DAB1: variants seen among roughly 807,000 people sequenced by gnomAD.
DAB1 encodes the protein disabled homolog 1.
DAB1 carries 15 observed loss-of-function variants against 64.6 expected under a neutral mutation model. The ratio of observed to expected loss-of-function variants is 0.23; its 90% CI spans 0.16 to 0.36. DAB1 has a LOEUF of 0.36. DAB1 is among the 10% of genes least tolerant of loss of function. The probability of loss-of-function intolerance (pLI) is 1.00; values close to 1 mark genes in which losing one functional copy is unlikely to be tolerated. For missense variants in DAB1, 596 were observed against 706.7 expected (o/e 0.84, Z 1.78); for synonymous variants, 235 against 251.9 (o/e 0.93, Z 0.64).
intron 5 of DAB1, among the ~76,000 whole-genome samples, chr1:58,099,701 A>G (rs1236074199): frequency 1.3e-5 from 2 of 152,244 alleles, no homozygotes; most frequent in Non-Finnish European, 2.9e-5. Flanking sequence ...TCTCTCATGC[A>G]TTATTTCACT....
At chr1:58,451,350 C>T (rs1645134293) in intron 3 of DAB1, among the ~76,000 whole-genome samples, 1 of 152,240 alleles carries the variant, frequency 6.6e-6, no homozygotes, top group Non-Finnish European at 1.5e-5. Context: ...ACCTTAGTCT[C>T]CCAAAGTGCT....
At chr1:57,331,335 C>CT (rs1676652810) in intron 1 of DAB1, among the ~76,000 whole-genome samples, 1 of 152,140 alleles carries the variant, frequency 6.6e-6, no homozygotes, top group Non-Finnish European at 1.5e-5. Context: ...ATTAAATACT[C>CT]TTATTATTCC....
chr1:57,029,121 T>G (rs1390219369), intron 9 of DAB1, among the ~76,000 whole-genome samples: 1 of 152,176 alleles, frequency 6.6e-6, no homozygotes, highest in African/African-American at 2.4e-5. Flanking sequence ...AGGGTTCCTG[T>G]GCTGTATACA....
intron 3 of DAB1, among the ~76,000 whole-genome samples, chr1:58,464,069 C>T (rs1318693428): frequency 1.3e-5 from 2 of 152,162 alleles, no homozygotes; most frequent in Admixed American, 6.5e-5. Flanking sequence ...GTAAGGAGGA[C>T]AGTTGAAGAG....
chr1:57,423,492 C>T (rs917444225), intron 1 of DAB1, among the ~76,000 whole-genome samples: 1 of 151,900 alleles, frequency 6.6e-6, no homozygotes, highest in African/African-American at 2.4e-5. Context: ...AAGGGTCTGG[C>T]CACCAGCGAG....
chr1:57,692,571 T>C (rs1484726020), intron 6 of DAB1, among the ~76,000 whole-genome samples: 1 of 151,952 alleles, frequency 6.6e-6, no homozygotes, highest in Non-Finnish European at 1.5e-5. Flanking sequence ...ATGGAAATAG[T>C]AAAGAAAAAA....
At chr1:57,570,407 T>C (rs974971275) in intron 7 of DAB1, among the ~76,000 whole-genome samples, 32 of 152,212 alleles carry the variant, frequency 2.1e-4, no homozygotes, top group Admixed American at 3.9e-4. Flanking sequence ...TATATATATA[T>C]ATATACTGCT....
chr1:57,961,451 C>G (rs1218587659), intron 5 of DAB1, among the ~76,000 whole-genome samples: 1 of 152,126 alleles, frequency 6.6e-6, no homozygotes, highest in Non-Finnish European at 1.5e-5. Flanking sequence ...CACTCATCCA[C>G]CCTCAGCATT....
At chr1:58,513,904 C>T (rs1646120311) in intron 2 of DAB1, among the ~76,000 whole-genome samples, 1 of 152,112 alleles carries the variant, frequency 6.6e-6, no homozygotes, top group African/African-American at 2.4e-5. Flanking sequence ...GTGACAGAGC[C>T]ATAATTTGAA....
intron 9 of DAB1, among the ~76,000 whole-genome samples, chr1:57,049,025 T>C (rs1440632357): frequency 1.3e-5 from 2 of 152,176 alleles, no homozygotes; most frequent in Non-Finnish European, 2.9e-5. Context: ...GCTCAGTTTT[T>C]CAACGTTGCA....
intron 3 of DAB1, among the ~76,000 whole-genome samples, chr1:58,430,006 G>A (rs1644855366): frequency 1.3e-5 from 2 of 152,208 alleles, no homozygotes; most frequent in South Asian, 4.1e-4. Flanking sequence ...GCAGAAAAGA[G>A]TGAGGGTCTC....
At chr1:57,950,745 C>T (rs891176820) in intron 5 of DAB1, among the ~76,000 whole-genome samples, 3 of 152,140 alleles carry the variant, frequency 2.0e-5, no homozygotes, top group Admixed American at 6.6e-5. Flanking sequence ...GACATTATGT[C>T]TCCTCTTCAA....
At chr1:57,936,073 T>C (rs1259813814) in intron 5 of DAB1, among the ~76,000 whole-genome samples, 1 of 152,096 alleles carries the variant, frequency 6.6e-6, no homozygotes, top group East Asian at 1.9e-4. Context: ...AGGCACATTG[T>C]TTTGGGATCT....
At chr1:57,955,540 G>A (rs75661368) in intron 5 of DAB1, among the ~76,000 whole-genome samples, 1 of 6,878 alleles carries the variant, frequency 1.5e-4, no homozygotes. Context: ...GTCATTTTCT[G>A]TTTCACTTTC....
At chr1:57,040,692 A>G (rs561235373) in intron 9 of DAB1, among the ~76,000 whole-genome samples, 1 of 152,362 alleles carries the variant, frequency 6.6e-6, no homozygotes, top group Admixed American at 6.5e-5. Flanking sequence ...AAAGCTTGCA[A>G]TTATTTGTTT....
At chr1:58,056,508 A>C in intron 5 of DAB1, 39 of 1,139,480 alleles carry the variant, frequency 3.4e-5, no homozygotes, top group Middle Eastern at 4.0e-4. Context: ...GAGAGAGCTC[A>C]TGTGCATTCT....
intron 3 of DAB1, among the ~76,000 whole-genome samples, chr1:58,431,926 G>C (rs531812530): frequency 6.6e-6 from 1 of 152,292 alleles, no homozygotes; most frequent in African/African-American, 2.4e-5. Flanking sequence ...AGGAGGATTT[G>C]ACATGTGGGA....
At chr1:58,201,671 C>T (rs1423640525) in intron 4 of DAB1, among the ~76,000 whole-genome samples, 1 of 152,208 alleles carries the variant, frequency 6.6e-6, no homozygotes, top group African/African-American at 2.4e-5. Flanking sequence ...TTTTAGCAAG[C>T]ACTGGGGGAT....
At chr1:57,614,871 T>TG (rs1450433963) in intron 7 of DAB1, among the ~76,000 whole-genome samples, 2 of 138,086 alleles carry the variant, frequency 1.4e-5, no homozygotes, top group African/African-American at 2.7e-5. Flanking sequence ...TTTCTTTCTT[T>TG]TTTTTTTTTT....
Sources: allele counts gnomAD v4.1 joint callset (sites outside exome capture counted in the v4.1 genomes callset), GRCh38; gene constraint gnomAD v4.1.1; transcripts MANE v1.5; gene names NCBI Gene and HGNC (gene_info 2026-07-23, HGNC 2026-07-21).